IGF1: variants seen among roughly 807,000 people sequenced by gnomAD.
The protein encoded by IGF1 is insulin-like growth factor 1.
Under a neutral mutation model 13.8 loss-of-function variants are expected in IGF1, and 4 were observed. The ratio of observed to expected loss-of-function variants is 0.29; its 90% CI spans 0.14 to 0.66. IGF1 has a LOEUF of 0.66. Ranked by LOEUF, IGF1 falls within the 30% of genes least tolerant of loss-of-function variation. The probability of loss-of-function intolerance (pLI) is 0.78; values close to 1 mark genes in which losing one functional copy is unlikely to be tolerated. For missense variants in IGF1, 124 were observed against 188.5 expected (o/e 0.66, Z 2.00); for synonymous variants, 76 against 72.6 (o/e 1.05, Z -0.23).
At chr12:102,470,580 A>C (rs1880623403) in intron 2 of IGF1, among the ~76,000 whole-genome samples, 1 of 152,172 alleles carries the variant, frequency 6.6e-6, no homozygotes, top group Non-Finnish European at 1.5e-5. Context: ...TCATAAGGTC[A>C]AACCCCACAT....
intron 3 of IGF1, chr12:102,417,555 C>T (rs1469593874): frequency 7.7e-6 from 9 of 1,172,282 alleles, no homozygotes; most frequent in South Asian, 7.2e-5. Context: ...CTTTTTTTGC[C>T]TCTTTTATAA....
chr12:102,417,653 C>T, intron 3 of IGF1: 1 of 1,373,206 alleles, frequency 7.3e-7, no homozygotes, highest in Non-Finnish European at 9.3e-7. Flanking sequence ...CTCCATGTTT[C>T]TTAGCGAGAT....
At chr12:102,470,849 A>G (rs1447505203) in intron 2 of IGF1, among the ~76,000 whole-genome samples, 1 of 152,238 alleles carries the variant, frequency 6.6e-6, no homozygotes, top group Non-Finnish European at 1.5e-5. Flanking sequence ...GAAGGTTTAG[A>G]AACCTGTAGA....
At chr12:102,414,222 C>G (rs1019902046) in intron 3 of IGF1, among the ~76,000 whole-genome samples, 1 of 152,088 alleles carries the variant, frequency 6.6e-6, no homozygotes. Context: ...CACATACACA[C>G]ACACAATCTC....
intron 2 of IGF1, among the ~76,000 whole-genome samples, chr12:102,428,840 G>C (rs901190478): frequency 1.3e-5 from 2 of 152,124 alleles, no homozygotes; most frequent in African/African-American, 4.8e-5. Flanking sequence ...TTCTCTGTGT[G>C]ATATTCACTT....
At chr12:102,410,740 A>G (rs1364678035) in intron 3 of IGF1, among the ~76,000 whole-genome samples, 1 of 152,174 alleles carries the variant, frequency 6.6e-6, no homozygotes, top group Non-Finnish European at 1.5e-5. Context: ...TCTTTCACTC[A>G]TTCCTTGTGT....
At chr12:102,464,453 T>A (rs1388109641) in intron 2 of IGF1, among the ~76,000 whole-genome samples, 1 of 148,140 alleles carries the variant, frequency 6.8e-6, no homozygotes, top group Non-Finnish European at 1.5e-5. Flanking sequence ...TTTTATTAAG[T>A]GCTCCATACT....
chr12:102,408,754 A>C (rs1256783754), intron 3 of IGF1, among the ~76,000 whole-genome samples: 1 of 152,160 alleles, frequency 6.6e-6, no homozygotes, highest in African/African-American at 2.4e-5. Context: ...GGGCAACTGT[A>C]TTGCCCAACT....
intron 3 of IGF1, among the ~76,000 whole-genome samples, chr12:102,415,258 ATCC>A (rs1272391308): frequency 0.023 from 53 of 2,326 alleles, no homozygotes; most frequent in Admixed American, 0.11. Context: ...CCATCCATTC[ATCC>A]ATCCATCCAT....
upstream of IGF1, chr12:102,480,591 A>C: frequency 7.1e-7 from 1 of 1,409,578 alleles, no homozygotes; most frequent in East Asian, 2.7e-5. Context: ...CCTCACATTT[A>C]TCTACAAAAC....
In IGF1 at chr12:102,400,910, A is replaced by C. The variant is rs1362706589; in HGVS notation, c.*1597T>G. On this transcript the variant is annotated 3_prime_UTR_variant, in exon 4 of 4. Coordinates refer to ENST00000337514, the MANE Select transcript of IGF1 (RefSeq NM_000618.5). The stretch of plus-strand genomic sequence containing the variant: ...AACCAAATGCAGAATTCAAAATCAA[A>C]TTGAAAATCAAATGCTTCCCACATA... 1 of 152,178 alleles carries C rather than the reference A, an allele frequency of 6.6e-6. No homozygotes were observed. Among genetic ancestry groups the C allele is most frequent in the Non-Finnish European group, 1.5e-5 (1 of 68,026 alleles). The allele number at this position is 152,178 out of a possible 1,614,324, so 9.4% of individuals were successfully genotyped here.
intron 2 of IGF1, among the ~76,000 whole-genome samples, chr12:102,426,504 T>C (rs1446068506): frequency 2.0e-5 from 3 of 152,254 alleles, no homozygotes; most frequent in Admixed American, 6.5e-5. Flanking sequence ...TTCTAGATAT[T>C]GTTATTCACT....
At chr12:102,449,271 C>A in intron 2 of IGF1, among the ~76,000 whole-genome samples, 1 of 151,804 alleles carries the variant, frequency 6.6e-6, no homozygotes, top group South Asian at 2.1e-4. Flanking sequence ...AGCTGAAAAC[C>A]ATTCTCAGCA....
intron 2 of IGF1, among the ~76,000 whole-genome samples, chr12:102,434,791 C>T (rs1877078445): frequency 2.0e-5 from 3 of 151,356 alleles, no homozygotes; most frequent in African/African-American, 7.3e-5. Flanking sequence ...TATTTCTCCA[C>T]ATCCTCTCCA....
At chr12:102,470,786 A>G (rs2137249004) in intron 2 of IGF1, among the ~76,000 whole-genome samples, 1 of 152,310 alleles carries the variant, frequency 6.6e-6, no homozygotes, top group Non-Finnish European at 1.5e-5. Flanking sequence ...TTCACCAATT[A>G]TACACTCTCT....
intron 2 of IGF1, among the ~76,000 whole-genome samples, chr12:102,441,496 A>C (rs754043924): frequency 1.3e-5 from 2 of 152,196 alleles, no homozygotes; most frequent in South Asian, 2.1e-4. Flanking sequence ...GGAACATAGA[A>C]TAATGGTTTC....
At position 102,401,213 on chromosome 12, in the gene IGF1, C is replaced by A; in HGVS notation, c.*1294G>T. 6.2e-6 allele frequency: 1 copy of A among 160,188 alleles called. No homozygotes were observed. The highest frequency in any genetic ancestry group is 1.9e-4 in the South Asian group (1 of 5,254). The allele number at this position is 160,188 out of a possible 1,614,324, so 9.9% of individuals were successfully genotyped here. ...TTGAGGTAGGTAGATGACATATTGCCCCCATTTTGCAGATGAGGAAACTGA... is the reference window on the plus strand; with the variant it reads ...TTGAGGTAGGTAGATGACATATTGCACCCATTTTGCAGATGAGGAAACTGA... On this transcript the variant is annotated 3_prime_UTR_variant, in exon 4 of 4. Transcript: ENST00000337514.
chr12:102,415,410 A>G lies in IGF1; in HGVS notation c.402+4099T>C, dbSNP rs543054266. Among the ~76,000 whole-genome samples the G allele has an allele frequency of 1.2e-4, 19 of 152,334 alleles. No individual in the cohort carries two copies. In the East Asian group the frequency reaches 3.5e-3, roughly 28 times the overall value. On this transcript the variant is annotated intron_variant, in intron 3 of 3. Transcript: ENST00000337514. ...TCTGTTTTCTTGGTTCATATTATTC[A>G]GTAATCACATGTAGGCATTCAAGAT...
rs1880496923 is a variant in IGF1, at chr12:102,468,850, CT to C, written c.220+6792del. 2.0e-5 allele frequency among the ~76,000 whole-genome samples: 3 copies of C among 152,202 alleles called. No individual in the cohort carries two copies. In the South Asian group the frequency reaches 6.2e-4, roughly 31 times the overall value. On this transcript the variant is annotated intron_variant, in intron 2 of 3. Coordinates refer to ENST00000337514, the MANE Select transcript of IGF1 (RefSeq NM_000618.5). Reference sequence around the variant, plus strand: ...GTTATCGAGAACAATGAGACATCTCCTTGGGAGAGACCTTGTGGCTATTTTC... The same window carrying C: ...GTTATCGAGAACAATGAGACATCTCCTGGGAGAGACCTTGTGGCTATTTTC...
Sources: gnomAD v4.1 joint callset for allele counts (sites outside exome capture counted in the v4.1 genomes callset) on GRCh38, gnomAD v4.1.1 for gene constraint, MANE v1.5 for transcripts, NCBI Gene and HGNC (gene_info 2026-07-23, HGNC 2026-07-21) for gene names.